Variants in PCDH15 observed in about 807,000 individuals in gnomAD.
PCDH15 encodes protocadherin-15.
PCDH15 carries 129 observed loss-of-function variants against 178.5 expected under a neutral mutation model. The ratio of observed to expected loss-of-function variants is 0.72; its 90% confidence interval spans 0.63 to 0.84. The LOEUF (loss-of-function observed/expected upper bound fraction) is 0.84, where lower values mean the gene tolerates loss of function less well. Among genes scored for constraint, PCDH15 ranks in the 40% least tolerant of loss-of-function variants. The probability of loss-of-function intolerance (pLI) is 0.00; values close to 1 mark genes in which losing one functional copy is unlikely to be tolerated. For synonymous variants in PCDH15, 800 were observed against 732.0 expected, an observed-to-expected ratio of 1.09 and a Z score of -1.50; for missense variants, 2,230 against 2,099.9, an observed-to-expected ratio of 1.06 and a Z score of -1.21.
rs552437542 is a variant in PCDH15, at chr10:54,620,269, T to C, written c.91+43903A>G. 5.3e-5 allele frequency among the ~76,000 whole-genome samples: 8 copies of C among 152,108 alleles called. 1 individual carries two copies. In the South Asian group the frequency reaches 1.7e-3, roughly 32 times the overall value. On this transcript the variant is annotated intron_variant, in intron 2 of 37. Coordinates refer to ENST00000644397, the MANE Select transcript of PCDH15 (RefSeq NM_001384140.1). ...AACCCATAATATGATTGTAGCATAA[T>C]GGGAAAATTAGGCAAAGATTGATAA...
intron 3 of PCDH15, among the ~76,000 whole-genome samples, chr10:54,458,866 A>C (rs2136416126): frequency 6.6e-6 from 1 of 152,288 alleles, no homozygotes; most frequent in Non-Finnish European, 1.5e-5. Context: ...CAGTATCATA[A>C]GTTTCATTAC....
At chr10:54,615,021 T>C (rs1050081686) in intron 2 of PCDH15, among the ~76,000 whole-genome samples, 5 of 152,064 alleles carry the variant, frequency 3.3e-5, no homozygotes, top group Non-Finnish European at 7.4e-5. Context: ...TTATTTTTTA[T>C]TGAATGTTGG....
At chr10:54,632,145 C>A (rs2093719353) in intron 2 of PCDH15, among the ~76,000 whole-genome samples, 1 of 151,270 alleles carries the variant, frequency 6.6e-6, no homozygotes, top group Admixed American at 6.6e-5. Flanking sequence ...ATGGATGCAG[C>A]TGGAGACCAT....
At chr10:54,194,173 C>G (rs887537351) in intron 11 of PCDH15, among the ~76,000 whole-genome samples, 6 of 151,046 alleles carry the variant, frequency 4.0e-5, no homozygotes, top group Non-Finnish European at 8.8e-5. Context: ...ATTGTCATAG[C>G]CTCTGTGGAG....
rs117702667 is a variant in PCDH15, at chr10:54,455,143, C to T, written c.157+72669G>A. Among the ~76,000 whole-genome samples the T allele has an allele frequency of 1.1e-4, 17 of 152,232 alleles. No individual in the cohort carries two copies. In the East Asian group the frequency reaches 3.1e-3, roughly 28 times the overall value. On this transcript the variant is annotated intron_variant, in intron 3 of 37. Coordinates refer to ENST00000644397, the MANE Select transcript of PCDH15 (RefSeq NM_001384140.1). ...GATTGTATGTTTCCTGAGGCCTCTC[C>T]AGCCCTGTGGAACTGTGACTTAATT...
intron 5 of PCDH15, among the ~76,000 whole-genome samples, chr10:54,349,023 G>A (rs2134219495): frequency 6.6e-6 from 1 of 152,130 alleles, no homozygotes; most frequent in African/African-American, 2.4e-5. Flanking sequence ...ACATTGATTT[G>A]TTTCCATATA....
chr10:53,945,850 T>C (rs1202284566), intron 23 of PCDH15, among the ~76,000 whole-genome samples: 5,721 of 33,844 alleles, frequency 0.17, 207 homozygotes, highest in East Asian at 0.36. Flanking sequence ...TATATATATA[T>C]ATATATATAT....
At chr10:54,081,828 T>C (rs1281923069) in intron 16 of PCDH15, among the ~76,000 whole-genome samples, 1 of 151,798 alleles carries the variant, frequency 6.6e-6, no homozygotes, top group Non-Finnish European at 1.5e-5. Context: ...CCAGGAGTGA[T>C]GTCAGTGGAA....
At chr10:55,477,148 G>T (rs1180893183) in intron 2 of PCDH15, among the ~76,000 whole-genome samples, 1 of 151,886 alleles carries the variant, frequency 6.6e-6, no homozygotes, top group Non-Finnish European at 1.5e-5. Context: ...CTCCCCAACA[G>T]ATACTAAACA....
chr10:54,087,717 G>C (rs2094536908), intron 16 of PCDH15, among the ~76,000 whole-genome samples: 1 of 152,156 alleles, frequency 6.6e-6, no homozygotes, highest in South Asian at 2.1e-4. Flanking sequence ...GAAAAGGCCA[G>C]TTCTCCAAAG....
chr10:54,503,936 C>A (rs2080946033), intron 3 of PCDH15, among the ~76,000 whole-genome samples: 1 of 151,932 alleles, frequency 6.6e-6, no homozygotes, highest in Non-Finnish European at 1.5e-5. Flanking sequence ...GGCCAATGCA[C>A]AGTGTCCGGA....
At chr10:54,252,357 T>C (rs1324462275) in intron 8 of PCDH15, among the ~76,000 whole-genome samples, 1 of 152,114 alleles carries the variant, frequency 6.6e-6, no homozygotes, top group Non-Finnish European at 1.5e-5. Flanking sequence ...CTACTTTAGG[T>C]TAAGAGATGG....
At chr10:55,363,819 G>T (rs1376631269) in intron 2 of PCDH15, among the ~76,000 whole-genome samples, 1 of 151,864 alleles carries the variant, frequency 6.6e-6, no homozygotes, top group Non-Finnish European at 1.5e-5. Flanking sequence ...TCATATTTTA[G>T]TAGACACGAG....
intron 1 of PCDH15, among the ~76,000 whole-genome samples, chr10:55,229,493 A>G (rs1455146853): frequency 1.3e-5 from 2 of 152,068 alleles, no homozygotes; most frequent in African/African-American, 2.4e-5. Flanking sequence ...CGGTATGTAT[A>G]TATCACATTT....
intron 1 of PCDH15, among the ~76,000 whole-genome samples, chr10:54,727,942 C>A (rs553432838): frequency 6.6e-6 from 1 of 151,270 alleles, no homozygotes; most frequent in Admixed American, 6.6e-5. Flanking sequence ...TTAGCAGTAA[C>A]AAACCAACCA....
Position 54,664,208 on chromosome 10 carries a change from A to C in PCDH15, c.55T>G (p.Ser19Ala), listed in dbSNP as rs11004439. Residue 19 changes from serine (S) to alanine (A), a missense_variant, in exon 2 of 38, where the codon TCT (serine) becomes GCT (alanine). Transcript: ENST00000644397. ...TGGCCCAAGCAGATTTCAAAGAGAG[A>C]GCCCAGGATGATCCCTGAAGCTAAA... ...TCLASGIILG[S>A]LFEICLGQYD... The C allele has an allele frequency of 0.23, 369,259 of 1,610,862 alleles. 44,316 individuals are homozygous for C. The highest frequency in any genetic ancestry group is 0.33 in the Middle Eastern group (1,977 of 6,050).
chr10:54,359,211 C>G (rs1177689152), intron 5 of PCDH15, among the ~76,000 whole-genome samples: 3 of 151,628 alleles, frequency 2.0e-5, no homozygotes, highest in Non-Finnish European at 4.4e-5. Flanking sequence ...ATTTGGTTCT[C>G]TATATATGTA....
chr10:54,845,742 T>C (rs745637251), intron 3 of PCDH15, among the ~76,000 whole-genome samples: 1 of 151,680 alleles, frequency 6.6e-6, no homozygotes, highest in Non-Finnish European at 1.5e-5. Context: ...GTAAGAAGAG[T>C]GAAAAGTAAC....
At chr10:54,290,667 C>T (rs1198419230) in intron 8 of PCDH15, among the ~76,000 whole-genome samples, 4 of 151,942 alleles carry the variant, frequency 2.6e-5, no homozygotes, top group Admixed American at 6.6e-5. Flanking sequence ...CATACAAAGA[C>T]GAATATAGGC....
Sources: allele counts gnomAD v4.1 joint callset (sites outside exome capture counted in the v4.1 genomes callset), GRCh38; gene constraint gnomAD v4.1.1; transcripts MANE v1.5; gene names NCBI Gene and HGNC (gene_info 2026-07-23, HGNC 2026-07-21).